Variants in POU2F2 observed in about 807,000 individuals in gnomAD.
POU2F2 encodes the protein POU class 2 homeobox 2.
POU2F2 carries 14 observed loss-of-function variants against 63.5 expected under a neutral mutation model. The observed-to-expected ratio is 0.22, with a 90% CI of 0.15 to 0.34. POU2F2 has a LOEUF of 0.34. POU2F2 is among the 10% of genes least tolerant of loss of function. The pLI is 1.00. For missense variants in POU2F2, 607 were observed against 815.2 expected (o/e 0.74, Z 3.11); for synonymous variants, 306 against 348.6 (o/e 0.88, Z 1.36).
At chr19:42,099,685 T>G (rs769830096) in intron 6 of POU2F2, 31 bp downstream of exon 6, 273 of 1,600,896 alleles carry the variant, frequency 1.7e-4, no homozygotes, top group Middle Eastern at 1.5e-3. Flanking sequence ...TGTGGAGGCG[T>G]CAGGGAGGCC....
At chr19:42,149,345 T>C (rs1477852140) in intron 2 of POU2F2, among the ~76,000 whole-genome samples, 1 of 152,208 alleles carries the variant, frequency 6.6e-6, no homozygotes, top group African/African-American at 2.4e-5. Flanking sequence ...ACCCTTTTTC[T>C]GCGTGTTCTG....
At chr19:42,137,283 G>A (rs993431267), upstream of POU2F2, among the ~76,000 whole-genome samples, 14 of 152,012 alleles carry the variant, frequency 9.2e-5, no homozygotes, top group Non-Finnish European at 1.5e-4. Flanking sequence ...AGGCTGCAAT[G>A]AGCTATGATG....
chr19:42,100,384 C>T (rs377090441), intron 5 of POU2F2, among the ~76,000 whole-genome samples: 12 of 152,070 alleles, frequency 7.9e-5, no homozygotes, highest in African/African-American at 2.6e-4. Context: ...TCACCGAACC[C>T]GGCTACCCTT....
intron 12 of POU2F2, 155 bp downstream of exon 12, chr19:42,093,674 C>T (rs2146302182): frequency 2.9e-6 from 2 of 682,732 alleles, no homozygotes; most frequent in Non-Finnish European, 4.9e-6. Context: ...AGGGGTGAGT[C>T]CTACCCTCTT....
intron 1 of POU2F2, among the ~76,000 whole-genome samples, chr19:42,173,039 G>C (rs563144534): frequency 1.3e-3 from 202 of 152,334 alleles, no homozygotes; most frequent in African/African-American, 4.5e-3. Context: ...TCTGTGAGAG[G>C]GACACCACTG....
At chr19:42,146,372 C>T (rs2034234592) in intron 2 of POU2F2, among the ~76,000 whole-genome samples, 1 of 152,232 alleles carries the variant, frequency 6.6e-6, no homozygotes, top group South Asian at 2.1e-4. Flanking sequence ...CTGGGCTTTG[C>T]TGTCTGAGAC....
intron 1 of POU2F2, among the ~76,000 whole-genome samples, chr19:42,189,971 C>T (rs917279674): frequency 6.6e-6 from 1 of 152,198 alleles, no homozygotes; most frequent in African/African-American, 2.4e-5. Flanking sequence ...AAGCAATCCT[C>T]CCGCCTCAGC....
In POU2F2 at chr19:42,106,019, CTTTCTT is replaced by C. The variant is rs1600030267; in HGVS notation, c.370-6204_370-6199del. On this transcript the variant is annotated intron_variant, in intron 5 of 14. Transcript: ENST00000692977. ...TTCTTTTTTCTTTCTTTCTTTCTTT[CTTTCTT>C]TCTTTCTTTCTTTCTTTCTTTCTTT... Among the ~76,000 whole-genome samples the C allele has an allele frequency of 5.6e-5, 8 of 141,604 alleles. No homozygotes were observed. The South Asian group carries it at 1.8e-3, about 31-fold the overall frequency. 92.9% of individuals were successfully genotyped at this position (141,604 alleles called of 152,430 possible). A position where few individuals can be genotyped will look rare whatever the true frequency, so the allele number is the denominator to read the frequency against.
chr19:42,138,720 A>G (rs891334979), intron 2 of POU2F2, among the ~76,000 whole-genome samples: 8 of 151,984 alleles, frequency 5.3e-5, no homozygotes, highest in African/African-American at 1.9e-4. Context: ...CAGGAACAGG[A>G]TATGAGAAGT....
At chr19:42,105,141 C>T (rs1332990983) in intron 5 of POU2F2, among the ~76,000 whole-genome samples, 1 of 152,176 alleles carries the variant, frequency 6.6e-6, no homozygotes, top group African/African-American at 2.4e-5. Context: ...TTACAGTGAA[C>T]CCTTTCAAGG....
intron 1 of POU2F2, among the ~76,000 whole-genome samples, chr19:42,163,675 C>T (rs993349569): frequency 6.6e-6 from 1 of 152,268 alleles, no homozygotes; most frequent in Non-Finnish European, 1.5e-5. Flanking sequence ...AAGTGGTCCC[C>T]GGCTCCCCTC....
chr19:42,135,931 G>A (rs916173397), upstream of POU2F2, among the ~76,000 whole-genome samples: 3 of 151,736 alleles, frequency 2.0e-5, no homozygotes, highest in Admixed American at 6.6e-5. Flanking sequence ...AACTGGTCTC[G>A]AACTCCTGAG....
At chr19:42,173,462 G>C (rs1483989937) in intron 1 of POU2F2, among the ~76,000 whole-genome samples, 1 of 151,944 alleles carries the variant, frequency 6.6e-6, no homozygotes, top group Non-Finnish European at 1.5e-5. Flanking sequence ...CACATTGGTG[G>C]AGGAAGAAGT....
At position 42,191,521 on chromosome 19, in the gene POU2F2, T is replaced by C. The variant is rs1408070986; in HGVS notation, c.-70+4862A>G. The stretch of plus-strand genomic sequence containing the variant: ...GCCCACACCTCTGCAAAGAGTCCCT[T>C]CATTAAATTATCTTCAAAATCCCAG... On this transcript the variant is annotated intron_variant, in intron 1 of 5. Transcript: ENST00000532176. Among the ~76,000 whole-genome samples, 5 of 152,294 alleles carry C rather than the reference T, an allele frequency of 3.3e-5. No individual in the cohort carries two copies. In the East Asian group the frequency reaches 9.6e-4, roughly 29 times the overall value.
intron 1 of POU2F2, among the ~76,000 whole-genome samples, chr19:42,188,309 T>C (rs1418324089): frequency 6.7e-6 from 1 of 148,996 alleles, no homozygotes; most frequent in Non-Finnish European, 1.5e-5. Flanking sequence ...GAGGTTGCAG[T>C]GAGCTGAAAC....
In POU2F2 at chr19:42,089,673, C is replaced by G. The variant is rs2076652743; in HGVS notation, c.*1584G>C. ...GGGGCTTGGCTCCGCCTCGCGGTTC[C>G]ATCTTATTCTTGAAGAGTCCTCATC... On this transcript the variant is annotated 3_prime_UTR_variant, in exon 15 of 15. Coordinates refer to ENST00000692977, the MANE Select transcript of POU2F2 (RefSeq NM_001394376.1). The G allele has an allele frequency of 6.7e-6, 1 of 150,358 alleles. No individual in the cohort carries two copies. The highest frequency in any genetic ancestry group is 1.5e-5 in the Non-Finnish European group (1 of 67,694). 9.3% of individuals were successfully genotyped at this position (150,358 alleles called of 1,614,324 possible).
At chr19:42,193,070 A>C (rs1414589631) in intron 1 of POU2F2, among the ~76,000 whole-genome samples, 1 of 151,596 alleles carries the variant, frequency 6.6e-6, no homozygotes, top group Non-Finnish European at 1.5e-5. Context: ...AATACAAAAA[A>C]AAAAAAATAG....
In POU2F2 at chr19:42,122,551, C is replaced by A. The variant is rs1480737015; in HGVS notation, c.54G>T (p.Glu18Asp). 4.4e-6 allele frequency: 7 copies of A among 1,602,482 alleles called. No homozygotes were observed. Among genetic ancestry groups the A allele is most frequent in the African/African-American group, 1.3e-5 (1 of 74,442 alleles). The change falls in exon 2 of 15, where the codon GAG (glutamate) becomes GAT (aspartate). Residue 18 changes from glutamate (E) to aspartate (D), a missense_variant. Glu to Asp is a conservative substitution (Grantham distance 45). Coordinates refer to ENST00000692977, the MANE Select transcript of POU2F2 (RefSeq NM_001394376.1). The stretch of plus-strand genomic sequence containing the variant: ...GGGAGTCCAGACCTTGCTTCTCGGC[C>A]TCCAGGGGCTTAGACATTCTTATTT... ...APEIRMSKPL[E>D]AEKQGLDSPS...
At position 42,099,777 on chromosome 19, in the gene POU2F2, T is replaced by C; in HGVS notation, c.414A>G (p.Pro138=). The change falls in exon 6 of 15, where the codon CCA becomes CCG. Residue 138 remains proline (P), a synonymous_variant. Coordinates refer to ENST00000692977, the MANE Select transcript of POU2F2 (RefSeq NM_001394376.1). Reference sequence around the variant, plus strand: ...GAGCAGGTGGCTGGAGGTGGTGGCCTGGCACAAGCACCAGCTGCTGGAGCT... The same window carrying C: ...GAGCAGGTGGCTGGAGGTGGTGGCCCGGCACAAGCACCAGCTGCTGGAGCT... ...LLQLQQLVLV[P]GHHLQPPAQF... 6.3e-7 allele frequency: 1 copy of C among 1,586,084 alleles called. No homozygotes were observed. Among genetic ancestry groups the C allele is most frequent in the Non-Finnish European group, 8.6e-7 (1 of 1,164,890 alleles).
Sources: gnomAD v4.1 joint callset for allele counts (sites outside exome capture counted in the v4.1 genomes callset) on GRCh38, gnomAD v4.1.1 for gene constraint, MANE v1.5 for transcripts, NCBI Gene and HGNC (gene_info 2026-07-23, HGNC 2026-07-21) for gene names.